The following FAM107B variants were observed in gnomAD, a reference collection of about 807,000 sequenced individuals.
FAM107B encodes family with sequence similarity 107 member B, also known as protein FAM107B.
FAM107B carries 21 observed loss-of-function variants against 31.5 expected under a neutral mutation model. The ratio of observed to expected loss-of-function variants is 0.67; its 90% CI spans 0.47 to 0.96. The LOEUF is 0.96. Among genes scored for constraint, FAM107B ranks in the 40% least tolerant of loss-of-function variants. The probability of loss-of-function intolerance (pLI) is 0.00; values close to 1 mark genes in which losing one functional copy is unlikely to be tolerated. For missense variants in FAM107B, 452 were observed against 377.1 expected, an observed-to-expected ratio of 1.20 and a Z score of -1.64; for synonymous variants, 157 against 141.5, an observed-to-expected ratio of 1.11 and a Z score of -0.78.
intron 2 of FAM107B, among the ~76,000 whole-genome samples, chr10:14,546,107 A>T (rs1338217108): frequency 2.6e-5 from 4 of 152,246 alleles, no homozygotes; most frequent in South Asian, 2.1e-4. Context: ...CTTCAAACAG[A>T]CTTAATGACA....
At chr10:14,647,625 C>A (rs1002848722) in intron 2 of FAM107B, among the ~76,000 whole-genome samples, 1 of 144,708 alleles carries the variant, frequency 6.9e-6, no homozygotes. Flanking sequence ...GCGGAGGTTG[C>A]AGAGGAGCCA....
chr10:14,703,479 G>T (rs1855451234), intron 1 of FAM107B, among the ~76,000 whole-genome samples: 1 of 151,932 alleles, frequency 6.6e-6, no homozygotes, highest in Non-Finnish European at 1.5e-5. Flanking sequence ...GGGACTACAG[G>T]CGTGCGTCAT....
intron 2 of FAM107B, among the ~76,000 whole-genome samples, chr10:14,650,512 C>G (rs1263017652): frequency 6.6e-6 from 1 of 152,176 alleles, no homozygotes; most frequent in African/African-American, 2.4e-5. Flanking sequence ...TCTCGAACTC[C>G]CGACCTGAGG....
intron 2 of FAM107B, among the ~76,000 whole-genome samples, chr10:14,585,753 T>C (rs1208643745): frequency 1.3e-5 from 2 of 152,192 alleles, no homozygotes; most frequent in African/African-American, 2.4e-5. Context: ...CCACAGAACC[T>C]TGTGTGGTCA....
At chr10:14,759,870 T>C (rs2768708) in intron 1 of FAM107B, among the ~76,000 whole-genome samples, 20,292 of 151,946 alleles carry the variant, frequency 0.13, 1,607 homozygotes, top group East Asian at 0.27. Context: ...CACCAGCATG[T>C]CCGGCTAACT....
At chr10:14,720,694 C>G (rs1855890179) in intron 1 of FAM107B, among the ~76,000 whole-genome samples, 1 of 152,114 alleles carries the variant, frequency 6.6e-6, no homozygotes, top group South Asian at 2.1e-4. Flanking sequence ...TACCAGACAC[C>G]ATTGTCTTAA....
At position 14,572,739 on chromosome 10, in the gene FAM107B, T is replaced by TTATATATATATATATATATATGTA. The variant is rs61477094; in HGVS notation, c.470-42225_470-42224insTACATATATATATATATATATATA. 1.2e-4 allele frequency among the ~76,000 whole-genome samples: 11 copies of TTATATATATATATATATATATGTA among 91,994 alleles called. 1 individual carries two copies. The East Asian group carries it at 2.0e-3, about 17-fold the overall frequency. The allele number at this position is 91,994 out of a possible 152,430, so 60.4% of individuals were successfully genotyped here. A position where few individuals can be genotyped will look rare whatever the true frequency, so the allele number is the denominator to read the frequency against. The stretch of plus-strand genomic sequence containing the variant: ...CATCTCTTCAAAAAAAAAAAAAAAT[T>TTATATATATATATATATATATGTA]TATATATATATATATATATATTAGA... On this transcript the variant is annotated intron_variant, in intron 2 of 4. Transcript: ENST00000181796.
At chr10:14,723,097 T>C (rs1193888154) in intron 1 of FAM107B, 1 of 377,936 alleles carries the variant, frequency 2.6e-6, no homozygotes, top group Non-Finnish European at 5.1e-6. Context: ...TATCTTTTTT[T>C]CTTAAGAGAT....
In FAM107B at chr10:14,690,139, C is replaced by T. The variant is rs556201846; in HGVS notation, c.412-22448G>A. Among the ~76,000 whole-genome samples the T allele has an allele frequency of 3.1e-3, 470 of 152,238 alleles. 7 individuals are homozygous for T. The highest frequency in any genetic ancestry group is 9.9e-3 in the African/African-American group (410 of 41,536). The stretch of plus-strand genomic sequence containing the variant: ...CCTCCTGCCTGTTGATTGATCACAC[C>T]AATGGGTAATGGGTTCCCTTGCCCT... On this transcript the variant is annotated intron_variant, in intron 1 of 4. Coordinates refer to ENST00000181796, the MANE Select transcript of FAM107B (RefSeq NM_031453.4).
intron 1 of FAM107B, 140 bp from the exon 2 acceptor site, chr10:14,667,831 G>A (rs1440396558): frequency 2.5e-6 from 2 of 803,382 alleles, no homozygotes; most frequent in African/African-American, 1.7e-5. Flanking sequence ...AAGAACTGAG[G>A]TTTTGGACAA....
intron 2 of FAM107B, among the ~76,000 whole-genome samples, chr10:14,633,839 C>T (rs1253734073): frequency 6.6e-6 from 1 of 152,134 alleles, no homozygotes; most frequent in Non-Finnish European, 1.5e-5. Flanking sequence ...ATTTCTTTTG[C>T]TTCCCATATA....
intron 1 of FAM107B, among the ~76,000 whole-genome samples, chr10:14,679,496 A>G (rs544704638): frequency 8.5e-5 from 13 of 152,328 alleles, no homozygotes; most frequent in African/African-American, 3.1e-4. Context: ...AAGGTGATGT[A>G]TGTAAAACTA....
At chr10:14,716,556 G>A (rs1390769823) in intron 1 of FAM107B, among the ~76,000 whole-genome samples, 3 of 152,214 alleles carry the variant, frequency 2.0e-5, no homozygotes, top group East Asian at 1.9e-4. Flanking sequence ...CTTGTGAGAA[G>A]TGAGTTCCTA....
At chr10:14,682,944 C>G (rs1240415881) in intron 1 of FAM107B, among the ~76,000 whole-genome samples, 1 of 151,834 alleles carries the variant, frequency 6.6e-6, no homozygotes, top group Non-Finnish European at 1.5e-5. Context: ...GTCAAGGAAG[C>G]TCGAACGTGG....
chr10:14,627,185 G>T (rs1175620188), intron 2 of FAM107B, among the ~76,000 whole-genome samples: 2 of 152,126 alleles, frequency 1.3e-5, no homozygotes, highest in Non-Finnish European at 2.9e-5. Flanking sequence ...CTAAATTGTG[G>T]TCATAAGATT....
intron 2 of FAM107B, among the ~76,000 whole-genome samples, chr10:14,600,367 C>G (rs1223591673): frequency 6.6e-6 from 1 of 152,196 alleles, no homozygotes; most frequent in Non-Finnish European, 1.5e-5. Context: ...AAATTCCAGA[C>G]AGAACTGAAC....
chr10:14,571,959 T>G (rs967308402), intron 2 of FAM107B: 1 of 985,170 alleles, frequency 1.0e-6, no homozygotes, highest in African/African-American at 1.7e-5. Flanking sequence ...AAGCCCAAGG[T>G]AGCAAATAAA....
At chr10:14,555,267 T>C (rs910964593) in intron 2 of FAM107B, among the ~76,000 whole-genome samples, 2 of 152,242 alleles carry the variant, frequency 1.3e-5, no homozygotes, top group Admixed American at 6.5e-5. Context: ...ATTGTTATTA[T>C]AAAGTTGTTT....
In FAM107B at chr10:14,691,988, G is replaced by A. The variant is rs117625798; in HGVS notation, c.412-24297C>T. On this transcript the variant is annotated intron_variant, in intron 1 of 4. Transcript: ENST00000181796. ...ACCCCATGCTTCTACCTACATCACT[G>A]CATCATCTCTCCTAGGAATAGACAA... Among the ~76,000 whole-genome samples, 504 of 151,874 alleles carry A rather than the reference G, an allele frequency of 3.3e-3. 8 individuals carry two copies. In the East Asian group the frequency reaches 0.049, roughly 15 times the overall value.
Sources: allele counts gnomAD v4.1 joint callset (sites outside exome capture counted in the v4.1 genomes callset), GRCh38; gene constraint gnomAD v4.1.1; transcripts MANE v1.5; gene names NCBI Gene and HGNC (gene_info 2026-07-23, HGNC 2026-07-21).